The following TNKS variants were observed in gnomAD, a reference collection of about 807,000 sequenced individuals.
The protein encoded by TNKS is poly [ADP-ribose] polymerase tankyrase-1.
Under a neutral mutation model 135.8 loss-of-function variants are expected in TNKS, and 72 were observed. The observed-to-expected ratio is 0.53, with a 90% CI of 0.44 to 0.64. The LOEUF is 0.64. Among genes scored for constraint, TNKS ranks in the 30% least tolerant of loss-of-function variants. The probability of loss-of-function intolerance (pLI) is 0.00; values close to 1 mark genes in which losing one functional copy is unlikely to be tolerated. For synonymous variants in TNKS, 849 were observed against 649.3 expected, an observed-to-expected ratio of 1.31 and a Z score of -4.68; for missense variants, 1,769 against 1,674.0, an observed-to-expected ratio of 1.06 and a Z score of -0.99.
intron 17 of TNKS, among the ~76,000 whole-genome samples, chr8:9,747,662 C>T (rs1441605167): frequency 6.6e-6 from 1 of 152,042 alleles, no homozygotes; most frequent in Non-Finnish European, 1.5e-5. Flanking sequence ...ATAGATTAGA[C>T]CATTAACAGA....
Position 9,556,527 on chromosome 8 carries a change from C to T in TNKS, c.588C>T (p.Ser196=), listed in dbSNP as rs765552889. Residue 196 remains serine (S), a synonymous_variant, in exon 1 of 27, where the codon TCC becomes TCT. Coordinates refer to ENST00000310430, the MANE Select transcript of TNKS (RefSeq NM_003747.3). ...AGGCCTGTCGCAATGGGGACGTGTCCCGGGTAAAGAGGCTGGTGGACGCGG... is the reference window on the plus strand; with the variant it reads ...AGGCCTGTCGCAATGGGGACGTGTCTCGGGTAAAGAGGCTGGTGGACGCGG... The part of the protein sequence containing the change: ...LLEACRNGDV[S]RVKRLVDAAN... 9.9e-6 allele frequency: 16 copies of T among 1,614,018 alleles called. No homozygotes were observed. The highest frequency in any genetic ancestry group is 1.3e-5 in the African/African-American group (1 of 74,908).
At chr8:9,634,149 G>C (rs1800410496) in intron 3 of TNKS, among the ~76,000 whole-genome samples, 1 of 150,110 alleles carries the variant, frequency 6.7e-6, no homozygotes, top group South Asian at 2.1e-4. Context: ...GGATAAACCA[G>C]AAAACATTGA....
intron 2 of TNKS, among the ~76,000 whole-genome samples, chr8:9,593,377 A>G (rs1354283854): frequency 6.6e-6 from 1 of 152,230 alleles, no homozygotes; most frequent in African/African-American, 2.4e-5. Context: ...TGTTTTCTTA[A>G]TTGAGAAATG....
chr8:9,660,767 C>T (rs1429256929), intron 3 of TNKS, among the ~76,000 whole-genome samples: 4 of 152,060 alleles, frequency 2.6e-5, no homozygotes, highest in East Asian at 3.9e-4. Context: ...AAATAAAGGG[C>T]ATTCAGTTAG....
intron 3 of TNKS, among the ~76,000 whole-genome samples, chr8:9,639,197 G>T (rs1800632028): frequency 6.6e-6 from 1 of 152,036 alleles, no homozygotes; most frequent in African/African-American, 2.4e-5. Flanking sequence ...GTACTACCTT[G>T]TAAATTCTTG....
chr8:9,598,125 T>G (rs1278433948), intron 2 of TNKS, among the ~76,000 whole-genome samples: 2 of 152,138 alleles, frequency 1.3e-5, no homozygotes, highest in Non-Finnish European at 2.9e-5. Context: ...ATTTATGATA[T>G]ACTTTCTCCT....
At chr8:9,708,012 C>CGTCT (rs1025186875) in intron 8 of TNKS, among the ~76,000 whole-genome samples, 1 of 152,128 alleles carries the variant, frequency 6.6e-6, no homozygotes, top group African/African-American at 2.4e-5. Flanking sequence ...TGTATGTAGA[C>CGTCT]CTATCTCTTG....
rs1274748154 is a variant in TNKS at position 9,742,159 on chromosome 8, A to G, written c.2644-5865A>G. 2.0e-5 allele frequency among the ~76,000 whole-genome samples: 3 copies of G among 152,314 alleles called. No homozygotes were observed. The South Asian group carries it at 6.2e-4, about 32-fold the overall frequency. On this transcript the variant is annotated intron_variant, in intron 17 of 26. Coordinates refer to ENST00000310430, the MANE Select transcript of TNKS (RefSeq NM_003747.3). ...ATGGGCTACATAATGTGTTTATAGC[A>G]GGTATTTTTACCTCATTGTGAGGGT...
Position 9,655,104 on chromosome 8 carries a change from C to A in TNKS, c.995-24847C>A, listed in dbSNP as rs1001040989. 5.3e-5 allele frequency among the ~76,000 whole-genome samples: 8 copies of A among 152,254 alleles called. 1 individual carries two copies. The highest frequency in any genetic ancestry group is 1.9e-4 in the East Asian group (1 of 5,200). On this transcript the variant is annotated intron_variant, in intron 3 of 26. Coordinates refer to ENST00000310430, the MANE Select transcript of TNKS (RefSeq NM_003747.3). ...CACACCAGGAGATTATATCCTGCAC[C>A]TGGCTTGGAGGATCCTACGCCCATG...
intron 21 of TNKS, among the ~76,000 whole-genome samples, chr8:9,762,772 G>A (rs1807211987): frequency 6.6e-6 from 1 of 151,912 alleles, no homozygotes; most frequent in African/African-American, 2.4e-5. Context: ...GGGTGTGGTG[G>A]TGGGCGCCTG....
chr8:9,745,404 T>TTTTTG (rs907567293), intron 17 of TNKS, among the ~76,000 whole-genome samples: 3 of 152,116 alleles, frequency 2.0e-5, no homozygotes. Flanking sequence ...TTTATGGGGT[T>TTTTTG]TTTTGTTTTG....
chr8:9,686,197 C>A (rs574707062), intron 5 of TNKS, among the ~76,000 whole-genome samples: 15 of 152,212 alleles, frequency 9.9e-5, no homozygotes, highest in Non-Finnish European at 1.6e-4. Context: ...TTTTGTAATT[C>A]TTCTTGGAAC....
rs569844024 is a variant in TNKS, at chr8:9,583,258, A to G, written c.898+2875A>G. Among the ~76,000 whole-genome samples the G allele has an allele frequency of 3.5e-4, 53 of 152,208 alleles. 2 individuals carry two copies. In the South Asian group the frequency reaches 0.011, roughly 32 times the overall value. ...TACCATCAAAAAGAAGAAAATTCAAACTGAGATTATTTTAAAAATCAACTT... is the reference window on the plus strand; with the variant it reads ...TACCATCAAAAAGAAGAAAATTCAAGCTGAGATTATTTTAAAAATCAACTT... On this transcript the variant is annotated intron_variant, in intron 2 of 26. Coordinates refer to ENST00000310430, the MANE Select transcript of TNKS (RefSeq NM_003747.3).
At chr8:9,753,862 T>C (rs1806687470) in intron 20 of TNKS, among the ~76,000 whole-genome samples, 1 of 152,224 alleles carries the variant, frequency 6.6e-6, no homozygotes, top group Non-Finnish European at 1.5e-5. Context: ...TACCCTGTTT[T>C]GCACAGAGAT....
chr8:9,582,833 C>G (rs1156445623), intron 2 of TNKS, among the ~76,000 whole-genome samples: 2 of 152,084 alleles, frequency 1.3e-5, no homozygotes, highest in African/African-American at 2.4e-5. Flanking sequence ...GTACAGAATT[C>G]CCATTTCCTC....
intron 3 of TNKS, among the ~76,000 whole-genome samples, chr8:9,665,697 G>T (rs1471497992): frequency 1.3e-5 from 2 of 152,140 alleles, no homozygotes; most frequent in Non-Finnish European, 2.9e-5. Context: ...AGGAGTCACT[G>T]TTAACCTCTA....
intron 4 of TNKS, 85 bp downstream of exon 4, chr8:9,680,072 A>C: frequency 1.0e-6 from 1 of 999,700 alleles, no homozygotes; most frequent in South Asian, 1.3e-5. Context: ...AAAAAATATA[A>C]CGTTATTGTC....
intron 5 of TNKS, among the ~76,000 whole-genome samples, chr8:9,690,728 C>T (rs1803227783): frequency 6.6e-6 from 1 of 152,224 alleles, no homozygotes; most frequent in East Asian, 1.9e-4. Context: ...ATAATGTTTA[C>T]TATTTGTGGC....
intron 20 of TNKS, among the ~76,000 whole-genome samples, chr8:9,754,518 T>G (rs1321707670): frequency 6.6e-6 from 1 of 152,156 alleles, no homozygotes; most frequent in Non-Finnish European, 1.5e-5. Flanking sequence ...TCTCTCTTTT[T>G]TTTAGCTACA....
Sources: allele counts gnomAD v4.1 joint callset (sites outside exome capture counted in the v4.1 genomes callset), GRCh38; gene constraint gnomAD v4.1.1; transcripts MANE v1.5; gene names NCBI Gene and HGNC (gene_info 2026-07-23, HGNC 2026-07-21).